The following ZMIZ1 variants were observed in gnomAD, a reference collection of about 807,000 sequenced individuals.
ZMIZ1 encodes the protein zinc finger MIZ domain-containing protein 1.
In ZMIZ1, 17 loss-of-function variants were observed where a neutral mutation model predicts 113.9. That is an observed-to-expected ratio of 0.15 (90% CI 0.10 to 0.22). ZMIZ1 has a LOEUF of 0.22. Ranked by LOEUF, ZMIZ1 falls within the 10% of genes least tolerant of loss-of-function variation. The pLI, the probability that ZMIZ1 is intolerant of heterozygous loss-of-function variation, is 1.00. For missense variants in ZMIZ1, 1,059 were observed against 1,477.8 expected (o/e 0.72, Z 4.65); for synonymous variants, 607 against 603.1 (o/e 1.01, Z -0.09).
chr10:79,296,513 C>G lies in ZMIZ1; in HGVS notation c.1273C>G (p.Pro425Ala). 3 of 1,614,076 alleles carry G rather than the reference C, an allele frequency of 1.9e-6. No homozygotes were observed. In the South Asian group the frequency reaches 3.3e-5, roughly 18 times the overall value. Residue 425 changes from proline to alanine, a missense_variant, in exon 13 of 25, where the codon CCC becomes GCC. Pro to Ala is a conservative substitution (Grantham distance 27, BLOSUM62 -1). Around this residue, in one of 6 missense-constraint regions of ZMIZ1, gnomAD observed 239 missense variants for 247.5 expected, o/e 0.97. Transcript: ENST00000334512. The surrounding 1 kb of genome is among the most constrained non-coding windows in gnomAD (Gnocchi z 4.1). Reference protein sequence around the residue: ...NQQYGPNSQFPTQPGQYPAPN... With the variant: ...NQQYGPNSQFATQPGQYPAPN... ...GCAATATGGACCAAACAGCCAGTTCCCCACCCAGCCAGGCCAGTACCCAGC... is the reference window on the plus strand; with the variant it reads ...GCAATATGGACCAAACAGCCAGTTCGCCACCCAGCCAGGCCAGTACCCAGC...
Position 79,069,145 on chromosome 10 carries a change from C to G in ZMIZ1, c.-462C>G, listed in dbSNP as rs1589235258. The stretch of plus-strand genomic sequence containing the variant: ...GCGGTGACCCCAGCCCCAGCCGGCG[C>G]GGAGCAGGAGCCGGAGCCGAGCGGA... On this transcript the variant is annotated 5_prime_UTR_variant, in exon 1 of 25. Coordinates refer to ENST00000334512, the MANE Select transcript of ZMIZ1 (RefSeq NM_020338.4). This position sits in a 1 kb window ranked among gnomAD's most constrained non-coding sequence, Gnocchi z 4.6. The G allele has an allele frequency of 6.6e-6, 1 of 150,388 alleles. No homozygotes were observed. Among genetic ancestry groups the G allele is most frequent in the East Asian group, 2.0e-4 (1 of 5,100 alleles). 9.3% of individuals were successfully genotyped at this position (150,388 alleles called of 1,614,324 possible). A position where few individuals can be genotyped will look rare whatever the true frequency, so the allele number is the denominator to read the frequency against.
chr10:79,246,362 C>G (rs1159394530), intron 7 of ZMIZ1, among the ~76,000 whole-genome samples: 1 of 152,200 alleles, frequency 6.6e-6, no homozygotes, highest in African/African-American at 2.4e-5. Flanking sequence ...AGCTCAGCCT[C>G]GGGTCCTCAG....
At chr10:79,156,464 C>A (rs1240653751) in intron 3 of ZMIZ1, among the ~76,000 whole-genome samples, 2 of 152,224 alleles carry the variant, frequency 1.3e-5, no homozygotes, top group Admixed American at 1.3e-4. Flanking sequence ...CCTGGTGTTC[C>A]TGCCTTCCCA....
At chr10:79,096,067 G>C (rs1843156636) in intron 1 of ZMIZ1, among the ~76,000 whole-genome samples, 1 of 152,192 alleles carries the variant, frequency 6.6e-6, no homozygotes, top group African/African-American at 2.4e-5. Context: ...TTTGGACCTG[G>C]CTCCTGGCCT....
rs1048241562 is a variant in ZMIZ1, at chr10:79,291,007, G to A, written c.589G>A (p.Gly197Ser). The change falls in exon 10 of 25, where the codon GGC becomes AGC. Residue 197 changes from glycine (G) to serine (S), a missense_variant. This residue lies in a region of ZMIZ1 where 272 missense variants were observed against 350.4 expected (regional missense o/e 0.78). Coordinates refer to ENST00000334512, the MANE Select transcript of ZMIZ1 (RefSeq NM_020338.4). ...TGCCAACAACCCCATGAATCCAGGC[G>A]GCAACCCCATGGCGTCGGGCATGAC... ...ANANNPMNPG[G>S]NPMASGMTTS... The A allele has an allele frequency of 1.5e-5, 24 of 1,614,230 alleles. No homozygotes were observed. Among genetic ancestry groups the A allele is most frequent in the Middle Eastern group, 1.7e-4 (1 of 6,060 alleles).
chr10:79,229,780 C>T (rs979933457), intron 7 of ZMIZ1, among the ~76,000 whole-genome samples: 2 of 151,900 alleles, frequency 1.3e-5, no homozygotes, highest in African/African-American at 4.9e-5. Flanking sequence ...TCAACAGACC[C>T]ACAACACAGA....
chr10:79,285,020 C>T (rs746293511), intron 8 of ZMIZ1, among the ~76,000 whole-genome samples: 1 of 152,194 alleles, frequency 6.6e-6, no homozygotes, highest in African/African-American at 2.4e-5. Flanking sequence ...AGATGCAGCC[C>T]TTCTTGGAAT....
At chr10:79,130,975 A>G (rs555755993) in intron 2 of ZMIZ1, among the ~76,000 whole-genome samples, 19 of 152,172 alleles carry the variant, frequency 1.2e-4, no homozygotes, top group African/African-American at 3.4e-4. Context: ...CTCCTGCTCT[A>G]GCATCCCGCT....
chr10:79,112,862 G>A lies in ZMIZ1; in HGVS notation c.-336-6053G>A, dbSNP rs535979692. 3.5e-3 allele frequency among the ~76,000 whole-genome samples: 538 copies of A among 152,330 alleles called. 2 individuals carry two copies. Among genetic ancestry groups the A allele is most frequent in the Non-Finnish European group, 4.9e-3 (332 of 68,026 alleles). On this transcript the variant is annotated intron_variant, in intron 1 of 24. Transcript: ENST00000334512. ...TGATTATTTCTTGACGGTCCCAGGCGTTGGTGGTAAACAACCACACTCCCC... is the reference window on the plus strand; with the variant it reads ...TGATTATTTCTTGACGGTCCCAGGCATTGGTGGTAAACAACCACACTCCCC...
chr10:79,165,630 G>A (rs1846295080), intron 4 of ZMIZ1, among the ~76,000 whole-genome samples: 1 of 152,154 alleles, frequency 6.6e-6, no homozygotes, highest in Non-Finnish European at 1.5e-5. Flanking sequence ...ACTGGCCTGG[G>A]GGGCCCTGAC....
chr10:79,305,259 T>C (rs1854605066), intron 20 of ZMIZ1, 28 bp downstream of exon 20: 1 of 1,609,226 alleles, frequency 6.2e-7, no homozygotes, highest in Non-Finnish European at 8.5e-7. Context: ...CGGTGGGGGC[T>C]TCCCCCATCC....
intron 7 of ZMIZ1, among the ~76,000 whole-genome samples, chr10:79,240,724 C>T (rs1449750278): frequency 8.7e-6 from 1 of 114,834 alleles, no homozygotes; most frequent in African/African-American, 3.4e-5. Flanking sequence ...TATATTAATT[C>T]TCTTCTCCAG....
intron 7 of ZMIZ1, among the ~76,000 whole-genome samples, chr10:79,260,708 C>A (rs556772095): frequency 2.0e-5 from 3 of 152,258 alleles, no homozygotes; most frequent in Admixed American, 2.0e-4. Flanking sequence ...GTGGAATCAT[C>A]GGATGTGATG....
chr10:79,190,387 C>T (rs776198905), intron 4 of ZMIZ1, among the ~76,000 whole-genome samples: 6 of 152,256 alleles, frequency 3.9e-5, no homozygotes, highest in South Asian at 2.1e-4. Flanking sequence ...CTCTGCTCTA[C>T]GCTCCCTGCC....
At chr10:79,155,419 T>A (rs1564685252) in intron 3 of ZMIZ1, among the ~76,000 whole-genome samples, 1 of 152,216 alleles carries the variant, frequency 6.6e-6, no homozygotes, top group South Asian at 2.1e-4. Flanking sequence ...CTAGTTTGAA[T>A]CCTAGTTCCC....
intron 7 of ZMIZ1, among the ~76,000 whole-genome samples, chr10:79,272,906 T>A (rs1295542473): frequency 6.6e-6 from 1 of 152,192 alleles, no homozygotes; most frequent in Non-Finnish European, 1.5e-5. Flanking sequence ...CCAGCTGTGG[T>A]CACCATGAGG....
At chr10:79,266,554 C>G (rs932669073) in intron 7 of ZMIZ1, among the ~76,000 whole-genome samples, 1 of 152,196 alleles carries the variant, frequency 6.6e-6, no homozygotes, top group Middle Eastern at 3.2e-3. Flanking sequence ...TGAGTCGGGC[C>G]AGAAGGGGTG....
intron 7 of ZMIZ1, among the ~76,000 whole-genome samples, chr10:79,275,551 C>T (rs1852231438): frequency 6.6e-6 from 1 of 152,244 alleles, no homozygotes; most frequent in Non-Finnish European, 1.5e-5. Context: ...TGGCAGCCTG[C>T]CCAGCCACTC....
intron 17 of ZMIZ1, 42 bp downstream of exon 17, chr10:79,300,984 C>A: frequency 6.3e-7 from 1 of 1,599,612 alleles, no homozygotes; most frequent in Non-Finnish European, 8.5e-7. Context: ...ACAGGCAGGC[C>A]CTGTTTCACG....
Sources: allele counts gnomAD v4.1 joint callset (sites outside exome capture counted in the v4.1 genomes callset), GRCh38; gene constraint gnomAD v4.1.1; regional missense constraint gnomAD v4.1.1; non-coding constraint Gnocchi (gnomAD v3.1); transcripts MANE v1.5; gene names NCBI Gene and HGNC (gene_info 2026-07-23, HGNC 2026-07-21).